SSBP2: variants seen among roughly 807,000 people sequenced by gnomAD.
The protein encoded by SSBP2 is single stranded DNA binding protein 2.
Under a neutral mutation model 61.8 loss-of-function variants are expected in SSBP2, and 17 were observed. That is an observed-to-expected ratio of 0.28 (90% CI 0.19 to 0.41). The LOEUF is 0.41. Among genes scored for constraint, SSBP2 ranks in the 10% least tolerant of loss-of-function variants. The pLI, the probability that SSBP2 is intolerant of heterozygous loss-of-function variation, is 1.00. For synonymous variants in SSBP2, 139 were observed against 141.3 expected, an observed-to-expected ratio of 0.98 and a Z score of 0.12; for missense variants, 310 against 458.7, an observed-to-expected ratio of 0.68 and a Z score of 2.96.
At chr5:81,476,730 C>T (rs1418906951) in intron 6 of SSBP2, among the ~76,000 whole-genome samples, 1 of 152,166 alleles carries the variant, frequency 6.6e-6, no homozygotes, top group Non-Finnish European at 1.5e-5. Context: ...CCTCAACAAT[C>T]CTTTATCAAC....
At position 81,565,644 on chromosome 5, in the gene SSBP2, T is replaced by C. The variant is rs561224079; in HGVS notation, c.282+49829A>G. Among the ~76,000 whole-genome samples the C allele has an allele frequency of 2.1e-4, 32 of 152,328 alleles. No individual in the cohort carries two copies. In the South Asian group the frequency reaches 5.6e-3, roughly 27 times the overall value. On this transcript the variant is annotated intron_variant, in intron 4 of 16. Coordinates refer to ENST00000320672, the MANE Select transcript of SSBP2 (RefSeq NM_012446.5). The stretch of plus-strand genomic sequence containing the variant: ...CAAGTCATACTATACTGTTTGAATT[T>C]GTCTTGTCATAGATCATAAACTCAT...
intron 1 of SSBP2, among the ~76,000 whole-genome samples, chr5:81,743,105 G>A (rs1240238476): frequency 1.3e-5 from 2 of 152,048 alleles, no homozygotes. Context: ...TTTATCCTTA[G>A]GGTTTGAAAG....
intron 16 of SSBP2, among the ~76,000 whole-genome samples, chr5:81,426,465 C>A (rs766859793): frequency 6.6e-6 from 1 of 152,182 alleles, no homozygotes; most frequent in Admixed American, 6.5e-5. Flanking sequence ...CAGGGAACTT[C>A]TGTTTGCTGT....
rs1205459682 is a variant in SSBP2 at position 81,676,546 on chromosome 5, C to T, written c.63-26207G>A. ...GAACAGTCCCCCAAATGAACAGCAT[C>T]GTTTCACAGCTAATTACCTTTCCAG... On this transcript the variant is annotated intron_variant, in intron 1 of 16. Transcript: ENST00000320672. Among the ~76,000 whole-genome samples, 3 of 152,158 alleles carry T rather than the reference C, an allele frequency of 2.0e-5. No homozygotes were observed. In the South Asian group the frequency reaches 6.2e-4, roughly 32 times the overall value.
chr5:81,650,457 C>T (rs1749631212), intron 1 of SSBP2, 118 bp from the exon 2 acceptor site: 1 of 522,264 alleles, frequency 1.9e-6, no homozygotes, highest in Admixed American at 4.2e-5. Context: ...AAAATAAACC[C>T]TTCCCATACT....
intron 4 of SSBP2, among the ~76,000 whole-genome samples, chr5:81,514,399 C>T (rs982228756): frequency 2.0e-5 from 3 of 151,772 alleles, no homozygotes; most frequent in African/African-American, 7.3e-5. Context: ...TTCATGGAAT[C>T]CTGGTATTTC....
chr5:81,643,137 C>T (rs1031897475), intron 2 of SSBP2, among the ~76,000 whole-genome samples: 1 of 152,126 alleles, frequency 6.6e-6, no homozygotes, highest in Admixed American at 6.5e-5. Context: ...AAAAGAGAAG[C>T]TTCCTGCCTC....
chr5:81,465,325 T>C (rs1272750393), intron 9 of SSBP2, among the ~76,000 whole-genome samples: 3 of 151,976 alleles, frequency 2.0e-5, no homozygotes, highest in Non-Finnish European at 4.4e-5. Context: ...CAACAAAAAG[T>C]AATCATATTA....
At chr5:81,475,040 A>G (rs146537312) in intron 6 of SSBP2, among the ~76,000 whole-genome samples, 105 of 152,318 alleles carry the variant, frequency 6.9e-4, no homozygotes, top group African/African-American at 2.4e-3. Flanking sequence ...ATTTAGCGAA[A>G]TAACACTTAA....
intron 1 of SSBP2, among the ~76,000 whole-genome samples, chr5:81,726,818 T>A (rs1481707797): frequency 1.3e-5 from 2 of 152,210 alleles, no homozygotes; most frequent in South Asian, 4.1e-4. Context: ...CCATTCATCC[T>A]ACACGGTCCA....
intron 1 of SSBP2, among the ~76,000 whole-genome samples, chr5:81,670,657 T>C (rs773098841): frequency 5.9e-5 from 9 of 152,222 alleles, no homozygotes; most frequent in Admixed American, 1.3e-4. Flanking sequence ...AAATAACTTA[T>C]TTATAATTTC....
chr5:81,463,900 C>T (rs574734900), intron 9 of SSBP2, among the ~76,000 whole-genome samples: 2 of 151,548 alleles, frequency 1.3e-5, no homozygotes, highest in Admixed American at 6.6e-5. Flanking sequence ...TCTCAAGAAG[C>T]TGGGATTACA....
At chr5:81,739,629 T>C (rs1756872732) in intron 1 of SSBP2, among the ~76,000 whole-genome samples, 1 of 152,188 alleles carries the variant, frequency 6.6e-6, no homozygotes, top group Admixed American at 6.5e-5. Context: ...GAGGCTGACA[T>C]ATAACAGACG....
At chr5:81,732,893 TG>T (rs1321052736) in intron 1 of SSBP2, among the ~76,000 whole-genome samples, 1 of 152,218 alleles carries the variant, frequency 6.6e-6, no homozygotes, top group East Asian at 1.9e-4. Context: ...TGTGCACTGC[TG>T]GGTAAGTGAT....
chr5:81,611,179 T>C (rs998028061), intron 4 of SSBP2, among the ~76,000 whole-genome samples: 7 of 152,182 alleles, frequency 4.6e-5, no homozygotes, highest in African/African-American at 1.4e-4. Context: ...AAAAAAGATA[T>C]AAACCTCTAA....
At chr5:81,478,204 C>G (rs1335988823) in intron 6 of SSBP2, among the ~76,000 whole-genome samples, 1 of 152,056 alleles carries the variant, frequency 6.6e-6, no homozygotes, top group East Asian at 1.9e-4. Flanking sequence ...CTCAGCTGCC[C>G]AGGCTGCAGT....
chr5:81,653,075 C>G (rs1264208863), intron 1 of SSBP2, among the ~76,000 whole-genome samples: 1 of 151,848 alleles, frequency 6.6e-6, no homozygotes, highest in African/African-American at 2.4e-5. Flanking sequence ...TTAGGTATTT[C>G]TCCTAATGCT....
intron 4 of SSBP2, among the ~76,000 whole-genome samples, chr5:81,593,665 G>A (rs1743370525): frequency 6.6e-6 from 1 of 152,234 alleles, no homozygotes; most frequent in Non-Finnish European, 1.5e-5. Flanking sequence ...CTACAAGCCA[G>A]AAGAGAGTGG....
chr5:81,533,489 T>C (rs1156515134), intron 4 of SSBP2, among the ~76,000 whole-genome samples: 1 of 151,832 alleles, frequency 6.6e-6, no homozygotes, highest in Non-Finnish European at 1.5e-5. Context: ...TTTAGCAAAA[T>C]ATGAATTTAG....
Sources: allele counts gnomAD v4.1 joint callset (sites outside exome capture counted in the v4.1 genomes callset), GRCh38; gene constraint gnomAD v4.1.1; transcripts MANE v1.5; gene names NCBI Gene and HGNC (gene_info 2026-07-23, HGNC 2026-07-21).